The following GPHN variants were observed in gnomAD, a reference collection of about 807,000 sequenced individuals.
The protein encoded by GPHN is gephyrin.
Under a neutral mutation model 95.5 loss-of-function variants are expected in GPHN, and 17 were observed. The ratio of observed to expected loss-of-function variants is 0.18; its 90% CI spans 0.12 to 0.27. GPHN has a LOEUF of 0.27. Ranked by LOEUF, GPHN falls within the 10% of genes least tolerant of loss-of-function variation. GPHN has a pLI of 1.00. For synonymous variants in GPHN, 320 were observed against 322.5 expected (o/e 0.99, Z 0.08); for missense variants, 660 against 978.1 (o/e 0.67, Z 4.34).
the GPHN span, chr14:67,241,784 TGGGCATGCACCTTGGCGC>T: frequency 6.6e-6 from 1 of 151,610 alleles, no homozygotes; most frequent in African/African-American, 2.4e-5. Context: ...TCTGCTTGGC[TGGGCATGCACCTTGGCGC>T]GGGCCACAGC....
chr14:66,761,579 T>A (rs2058756111), intron 2 of GPHN, among the ~76,000 whole-genome samples: 1 of 152,088 alleles, frequency 6.6e-6, no homozygotes, highest in Admixed American at 6.6e-5. Context: ...TAGTTGTGGA[T>A]GTTGGGGATG....
chr14:67,297,138 G>T, the GPHN span, among the ~76,000 whole-genome samples: 4 of 152,158 alleles, frequency 2.6e-5, no homozygotes, highest in African/African-American at 9.7e-5. Flanking sequence ...GAAACCAATA[G>T]CATCTTCCCT....
chr14:66,893,424 C>T (rs547855961), intron 5 of GPHN, among the ~76,000 whole-genome samples: 3 of 152,280 alleles, frequency 2.0e-5, no homozygotes, highest in Admixed American at 1.3e-4. Context: ...TGGGCAAAAA[C>T]TGGAAGCATT....
the GPHN span, among the ~76,000 whole-genome samples, chr14:67,667,411 C>T: frequency 6.6e-6 from 1 of 152,140 alleles, no homozygotes; most frequent in East Asian, 1.9e-4. Flanking sequence ...CCACACCATA[C>T]AAGAGTTAAA....
intron 2 of GPHN, among the ~76,000 whole-genome samples, chr14:66,687,805 A>G (rs2067492799): frequency 6.6e-6 from 1 of 152,100 alleles, no homozygotes; most frequent in African/African-American, 2.4e-5. Context: ...ATTTCTTTCA[A>G]TTCATAAACA....
the GPHN span, among the ~76,000 whole-genome samples, chr14:67,251,940 A>G: frequency 6.6e-5 from 10 of 152,168 alleles, no homozygotes; most frequent in African/African-American, 2.4e-4. Context: ...TAATTTAATC[A>G]TGCCCATCTA....
At chr14:67,208,915 GA>G in the GPHN span, among the ~76,000 whole-genome samples, 36 of 138,256 alleles carry the variant, frequency 2.6e-4, no homozygotes, top group African/African-American at 5.1e-4. Context: ...AAAAAGAAAA[GA>G]AAAAAAAAAG....
At position 66,723,112 on chromosome 14, in the gene GPHN, G is replaced by A. The variant is rs900626213; in HGVS notation, c.143+41927G>A. Among the ~76,000 whole-genome samples the A allele has an allele frequency of 2.0e-5, 3 of 152,018 alleles. No individual in the cohort carries two copies. In the South Asian group the frequency reaches 6.2e-4, roughly 32 times the overall value. On this transcript the variant is annotated intron_variant, in intron 2 of 22. Transcript: ENST00000478722. ...CTGTCGCCCAGGCTTGATTGCAGTGGCACAATCGTAGATCACTGTAACTTT... is the reference window on the plus strand; with the variant it reads ...CTGTCGCCCAGGCTTGATTGCAGTGACACAATCGTAGATCACTGTAACTTT...
chr14:67,127,255 A>T (rs1479391240), intron 17 of GPHN, among the ~76,000 whole-genome samples: 4 of 106,316 alleles, frequency 3.8e-5, no homozygotes, highest in African/African-American at 2.1e-4. Context: ...AAGTATAATA[A>T]AAAAAAAAAA....
chr14:66,662,456 G>GA (rs35429185), intron 1 of GPHN, among the ~76,000 whole-genome samples: 4,823 of 144,262 alleles, frequency 0.033, 97 homozygotes, highest in Non-Finnish European at 0.043. Flanking sequence ...CTGTAAAAAG[G>GA]AAAAAAAAAA....
chr14:67,013,148 T>C (rs1206188659), intron 9 of GPHN, among the ~76,000 whole-genome samples: 4 of 152,076 alleles, frequency 2.6e-5, no homozygotes, highest in Non-Finnish European at 5.9e-5. Flanking sequence ...TTTTTATTAT[T>C]ATTATTATTG....
chr14:66,932,461 T>TTTG (rs1567118508), intron 8 of GPHN, among the ~76,000 whole-genome samples: 1 of 130,666 alleles, frequency 7.7e-6, no homozygotes, highest in African/African-American at 2.9e-5. Context: ...TTTTTTTTTT[T>TTTG]TTTTTTTTTT....
chr14:67,254,028 C>CCG, the GPHN span, among the ~76,000 whole-genome samples: 1 of 134,300 alleles, frequency 7.4e-6, no homozygotes, highest in Non-Finnish European at 1.5e-5. Context: ...ATATTCATCC[C>CCG]CCCCCCCTTA....
At chr14:67,336,928 A>G in the GPHN span, among the ~76,000 whole-genome samples, 1 of 152,232 alleles carries the variant, frequency 6.6e-6, no homozygotes, top group African/African-American at 2.4e-5. Flanking sequence ...AGTTTGAAAT[A>G]TAGATGAAAC....
rs575640595 is a variant in GPHN at position 66,554,364 on chromosome 14, T to C, written c.64+45773T>C. ...TTTTTGTATTCGTCCATTCTCACAC[T>C]GCTATAAAGGATACTACCTGAGACT... is the stretch of plus-strand genomic sequence containing the variant. On this transcript the variant is annotated intron_variant, in intron 1 of 22. Transcript: ENST00000478722. Among the ~76,000 whole-genome samples, 6 of 152,334 alleles carry C rather than the reference T, an allele frequency of 3.9e-5. No homozygotes were observed. In the South Asian group the frequency reaches 8.3e-4, roughly 21 times the overall value.
At chr14:66,819,192 G>T (rs559763551) in intron 3 of GPHN, among the ~76,000 whole-genome samples, 1 of 152,214 alleles carries the variant, frequency 6.6e-6, no homozygotes, top group South Asian at 2.1e-4. Context: ...TATTGCCTAG[G>T]TTGTCTTCCA....
the GPHN span, among the ~76,000 whole-genome samples, chr14:67,331,210 AT>A: frequency 6.6e-6 from 1 of 151,714 alleles, no homozygotes; most frequent in Non-Finnish European, 1.5e-5. Context: ...ACGCCTGGCT[AT>A]TTTTTGTATT....
chr14:67,687,974 A>G, the GPHN span, among the ~76,000 whole-genome samples: 1 of 148,210 alleles, frequency 6.7e-6, no homozygotes, highest in Admixed American at 6.7e-5. Context: ...GCTTTCACCA[A>G]GTTGGCCAGG....
At chr14:66,733,123 TCATG>T (rs2153434994) in intron 2 of GPHN, among the ~76,000 whole-genome samples, 1 of 152,234 alleles carries the variant, frequency 6.6e-6, no homozygotes, top group East Asian at 1.9e-4. Context: ...GCAGTTTTCC[TCATG>T]CTATTCAGTA....
Sources: allele counts gnomAD v4.1 joint callset (sites outside exome capture counted in the v4.1 genomes callset), GRCh38; gene constraint gnomAD v4.1.1; transcripts MANE v1.5; gene names NCBI Gene and HGNC (gene_info 2026-07-23, HGNC 2026-07-21).